Variants in GPR158 observed in about 807,000 individuals in gnomAD.
GPR158 encodes the protein G protein-coupled receptor 158.
A neutral mutation model predicts 78.2 loss-of-function variants in GPR158; 30 were observed. The ratio of observed to expected loss-of-function variants is 0.38; its 90% CI spans 0.29 to 0.52. The LOEUF (loss-of-function observed/expected upper bound fraction) is 0.52. GPR158 is among the 20% of genes least tolerant of loss of function. GPR158 has a pLI of 0.83. For missense variants in GPR158, 1,463 were observed against 1,523.5 expected (o/e 0.96, Z 0.66); for synonymous variants, 581 against 591.1 (o/e 0.98, Z 0.25).
intron 2 of GPR158, among the ~76,000 whole-genome samples, chr10:25,334,028 A>G (rs1276489423): frequency 6.6e-6 from 1 of 152,288 alleles, no homozygotes; most frequent in South Asian, 2.1e-4. Flanking sequence ...TAGTTCAAAT[A>G]TACTGTGGTT....
intron 2 of GPR158, among the ~76,000 whole-genome samples, chr10:25,360,317 C>A (rs552406181): frequency 1.3e-5 from 2 of 151,868 alleles, no homozygotes; most frequent in African/African-American, 4.8e-5. Context: ...AGTCATGAAG[C>A]CTTTGCCCAT....
chr10:25,286,505 G>A (rs1854352679), intron 2 of GPR158, among the ~76,000 whole-genome samples: 1 of 151,778 alleles, frequency 6.6e-6, no homozygotes, highest in South Asian at 2.1e-4. Context: ...TTTTTCATTA[G>A]CACCTTTAAC....
At chr10:25,581,025 C>T (rs375008928) in intron 7 of GPR158, among the ~76,000 whole-genome samples, 11 of 148,446 alleles carry the variant, frequency 7.4e-5, no homozygotes, top group South Asian at 2.2e-4. Context: ...CCCGGGTTCA[C>T]GCCATTCTCC....
At chr10:25,211,350 C>T (rs925780207) in intron 1 of GPR158, among the ~76,000 whole-genome samples, 1 of 152,148 alleles carries the variant, frequency 6.6e-6, no homozygotes, top group Non-Finnish European at 1.5e-5. Flanking sequence ...ATTTGACTCA[C>T]AATTCCGGAG....
intron 2 of GPR158, among the ~76,000 whole-genome samples, chr10:25,354,988 TC>T (rs944502240): frequency 2.0e-5 from 3 of 152,116 alleles, no homozygotes; most frequent in African/African-American, 7.2e-5. Context: ...TAGGATCCTT[TC>T]TTTGTCTTGA....
chr10:25,313,925 G>T (rs950047466), intron 2 of GPR158, among the ~76,000 whole-genome samples: 1 of 152,054 alleles, frequency 6.6e-6, no homozygotes, highest in African/African-American at 2.4e-5. Context: ...GTCTTTAAAG[G>T]TTTGGTGTAA....
intron 5 of GPR158, among the ~76,000 whole-genome samples, chr10:25,495,828 T>TA (rs1452610665): frequency 6.6e-6 from 1 of 152,150 alleles, no homozygotes; most frequent in African/African-American, 2.4e-5. Context: ...CCTTCAGCTG[T>TA]AAAATAAGAA....
At chr10:25,191,865 T>A (rs191450640) in intron 1 of GPR158, among the ~76,000 whole-genome samples, 1 of 152,052 alleles carries the variant, frequency 6.6e-6, no homozygotes, top group East Asian at 1.9e-4. Flanking sequence ...TCACTTTTTT[T>A]GGGGTTTTTT....
intron 2 of GPR158, among the ~76,000 whole-genome samples, chr10:25,343,251 C>T (rs489186): frequency 0.41 from 62,901 of 151,814 alleles, 16,035 homozygotes; most frequent in Non-Finnish European, 0.59. Context: ...CTAGGACTCT[C>T]TTTCTTCTAA....
At chr10:25,245,536 G>C (rs958837246) in intron 2 of GPR158, among the ~76,000 whole-genome samples, 1 of 152,174 alleles carries the variant, frequency 6.6e-6, no homozygotes, top group Non-Finnish European at 1.5e-5. Flanking sequence ...GTGTGTGTTG[G>C]GGGGTGGGTG....
At chr10:25,230,523 C>T (rs984003920) in intron 2 of GPR158, among the ~76,000 whole-genome samples, 1 of 152,062 alleles carries the variant, frequency 6.6e-6, no homozygotes, top group African/African-American at 2.4e-5. Flanking sequence ...ACTTTGAAAC[C>T]TTACTTTTTG....
At chr10:25,545,215 T>C (rs1836647234) in intron 5 of GPR158, among the ~76,000 whole-genome samples, 1 of 152,246 alleles carries the variant, frequency 6.6e-6, no homozygotes, top group African/African-American at 2.4e-5. Flanking sequence ...CCTTTGAGTA[T>C]ATACCCAGTA....
In GPR158 at chr10:25,599,350, C is replaced by T; in HGVS notation, c.*76C>T. 3.6e-6 allele frequency: 4 copies of T among 1,121,162 alleles called. No homozygotes were observed. Among genetic ancestry groups the T allele is most frequent in the Non-Finnish European group, 5.1e-6 (4 of 787,102 alleles). 69.5% of individuals were successfully genotyped at this position (1,121,162 alleles called of 1,614,324 possible). On this transcript the variant is annotated 3_prime_UTR_variant, in exon 11 of 11. Transcript: ENST00000376351. ...CAGAAGATATAAGAATCAAATATTC[C>T]CAAGGAGGATTTGTCAATCAAGGAA...
intron 2 of GPR158, among the ~76,000 whole-genome samples, chr10:25,334,836 T>A (rs1855175329): frequency 6.6e-6 from 1 of 151,902 alleles, no homozygotes; most frequent in Non-Finnish European, 1.5e-5. Flanking sequence ...AATGCTTTAG[T>A]CTATTTGATA....
intron 2 of GPR158, among the ~76,000 whole-genome samples, chr10:25,335,153 C>A (rs1230024210): frequency 6.6e-6 from 1 of 151,992 alleles, no homozygotes; most frequent in Non-Finnish European, 1.5e-5. Context: ...TAGAATAATC[C>A]AACAAACTTT....
chr10:25,205,179 A>C (rs889190987), intron 1 of GPR158, among the ~76,000 whole-genome samples: 1 of 152,014 alleles, frequency 6.6e-6, no homozygotes, highest in African/African-American at 2.4e-5. Context: ...TTTCTTTATA[A>C]ATTACCAAGT....
rs1268444067 is a variant in GPR158 at position 25,599,257 on chromosome 10, G to T, written c.3631G>T (p.Asp1211Tyr). 6.2e-7 allele frequency: 1 copy of T among 1,610,936 alleles called. No homozygotes were observed. The highest frequency in any genetic ancestry group is 1.1e-5 in the South Asian group (1 of 90,990). ...AGGGCCTAGGAAAGAAGAGATCTGGGATAGTTTTAAAGTGTAGCATCTCCA... is the reference window on the plus strand; with the variant it reads ...AGGGCCTAGGAAAGAAGAGATCTGGTATAGTTTTAAAGTGTAGCATCTCCA... ...IAGPRKEEIWDSFKV is the reference protein window; with the variant it reads ...IAGPRKEEIWYSFKV The change falls in exon 11 of 11, where the codon GAT (aspartate) becomes TAT (tyrosine). Residue 1211 changes from aspartate to tyrosine, a missense_variant. Physicochemically the swap from Asp to Tyr is radical, Grantham distance 160 (BLOSUM62 -3). Transcript: ENST00000376351.
chr10:25,372,848 T>TAAAGTA (rs56306794), intron 2 of GPR158, among the ~76,000 whole-genome samples: 150,052 of 151,380 alleles, frequency 0.99, 74,391 homozygotes, highest in Middle Eastern at 1. Context: ...CCCTAAAACT[T>TAAAGTA]TAATAATAAT....
At chr10:25,403,009 T>C (rs963033074) in intron 3 of GPR158, among the ~76,000 whole-genome samples, 3 of 151,802 alleles carry the variant, frequency 2.0e-5, no homozygotes, top group Non-Finnish European at 4.4e-5. Context: ...ATTTTTCATT[T>C]AATTCTCTTC....
Sources: allele counts gnomAD v4.1 joint callset (sites outside exome capture counted in the v4.1 genomes callset), GRCh38; gene constraint gnomAD v4.1.1; transcripts MANE v1.5; gene names NCBI Gene and HGNC (gene_info 2026-07-23, HGNC 2026-07-21).